COA1: variants seen among roughly 807,000 people sequenced by gnomAD.
COA1 encodes the protein cytochrome c oxidase assembly factor 1, also known as cytochrome c oxidase assembly factor 1 homolog.
In COA1, 13 loss-of-function variants were observed where a neutral mutation model predicts 16.0. The ratio of observed to expected loss-of-function variants is 0.81; its 90% CI spans 0.53 to 1.29. COA1 has a LOEUF of 1.29. Among genes scored for constraint, COA1 ranks in the 50% most tolerant of loss-of-function variants. The pLI, the probability that COA1 is intolerant of heterozygous loss-of-function variation, is 0.00. For synonymous variants in COA1, 65 were observed against 65.7 expected (o/e 0.99, Z 0.05); for missense variants, 179 against 177.0 (o/e 1.01, Z -0.06).
In COA1 at chr7:43,612,764, G is replaced by C. The variant is rs545806511; in HGVS notation, c.*134-3269C>G. Reference sequence around the variant, plus strand: ...CAATTTGCCAAAAGACTGATTCACTGAAGACTGTCAGCCAAATATCTTAAA... The same window carrying C: ...CAATTTGCCAAAAGACTGATTCACTCAAGACTGTCAGCCAAATATCTTAAA... On this transcript the variant is annotated intron_variant and NMD_transcript_variant, in intron 6 of 6. Transcript: ENST00000415076. Among the ~76,000 whole-genome samples, 295 of 151,802 alleles carry C rather than the reference G, an allele frequency of 1.9e-3. 2 individuals carry two copies. Among genetic ancestry groups the C allele is most frequent in the African/African-American group, 6.6e-3 (272 of 41,360 alleles).
intron 1 of COA1, among the ~76,000 whole-genome samples, chr7:43,684,792 C>T (rs2093941722): frequency 6.6e-6 from 1 of 152,130 alleles, no homozygotes; most frequent in Non-Finnish European, 1.5e-5. Flanking sequence ...CACTCTTGAC[C>T]AGATCTGACA....
At chr7:43,664,103 A>AGAGAGAGAGAGAGAGAGAGAGAGAGAG (rs2092695982) in intron 1 of COA1, among the ~76,000 whole-genome samples, 1 of 135,142 alleles carries the variant, frequency 7.4e-6, no homozygotes, top group African/African-American at 3.0e-5. Context: ...TGTCTTTAGA[A>AGAGAGAGAGAGAGAGAGAGAGAGAGAG]AGAGAGAGAG....
At chr7:43,624,680 C>T (rs766773359) in intron 6 of COA1, 4 of 1,613,982 alleles carry the variant, frequency 2.5e-6, no homozygotes, top group Non-Finnish European at 2.5e-6. Context: ...AATCAGAAAC[C>T]AAGGAATCCA....
In COA1 at chr7:43,625,429, C is replaced by G. The variant is rs972757424; in HGVS notation, c.*133+14020G>C. ...TTTCTGTTGTGTTTTTGCCTAAATA[C>G]TAGTAACATATCAGTGAAAAACCCT... On this transcript the variant is annotated intron_variant and NMD_transcript_variant, in intron 6 of 6. Coordinates refer to the COA1 transcript ENST00000415076. 2.0e-5 allele frequency: 3 copies of G among 152,156 alleles called. 1 individual carries two copies. The highest frequency in any genetic ancestry group is 7.2e-5 in the African/African-American group (3 of 41,430). The allele number at this position is 152,156 out of a possible 1,614,324, so 9.4% of individuals were successfully genotyped here. A position where few individuals can be genotyped will look rare whatever the true frequency, so the allele number is the denominator to read the frequency against.
At chr7:43,703,567 C>A (rs1281417389) in intron 1 of COA1, among the ~76,000 whole-genome samples, 3 of 152,150 alleles carry the variant, frequency 2.0e-5, no homozygotes, top group Non-Finnish European at 4.4e-5. Flanking sequence ...TGAATTGAAT[C>A]TTTTATCATC....
chr7:43,697,768 C>A (rs986276253), intron 1 of COA1, among the ~76,000 whole-genome samples: 62 of 152,138 alleles, frequency 4.1e-4, no homozygotes, highest in African/African-American at 1.4e-3. Flanking sequence ...AAAGTCCTTC[C>A]ATGGCACATT....
chr7:43,666,136 G>A (rs1004501249), intron 1 of COA1, among the ~76,000 whole-genome samples: 1 of 152,128 alleles, frequency 6.6e-6, no homozygotes, highest in Non-Finnish European at 1.5e-5. Context: ...AGCCACTTAA[G>A]ATGTTCAATC....
intron 6 of COA1, among the ~76,000 whole-genome samples, chr7:43,619,306 A>C (rs897606859): frequency 6.6e-6 from 1 of 152,204 alleles, no homozygotes; most frequent in African/African-American, 2.4e-5. Context: ...AGCGTGCTGC[A>C]TGCAAGGAGA....
At chr7:43,661,371 T>C (rs561892739) in intron 1 of COA1, among the ~76,000 whole-genome samples, 20 of 152,284 alleles carry the variant, frequency 1.3e-4, no homozygotes, top group African/African-American at 4.3e-4. Context: ...GTGCAGTGGC[T>C]CACGCCTGTA....
intron 1 of COA1, among the ~76,000 whole-genome samples, chr7:43,698,631 G>A (rs572323092): frequency 1.1e-3 from 169 of 152,282 alleles, no homozygotes; most frequent in Non-Finnish European, 1.4e-3. Flanking sequence ...CAACAGTGAC[G>A]CCAGCCAACT....
chr7:43,677,172 G>A (rs1362131003), intron 1 of COA1, among the ~76,000 whole-genome samples: 1 of 151,696 alleles, frequency 6.6e-6, no homozygotes, highest in Non-Finnish European at 1.5e-5. Flanking sequence ...AAAGTTCATG[G>A]AAATACTATA....
At chr7:43,623,617 T>G (rs144785063) in intron 6 of COA1, 1 of 1,611,288 alleles carries the variant, frequency 6.2e-7, no homozygotes, top group Non-Finnish European at 8.5e-7. Context: ...GCAACAGATA[T>G]GTGGTAAGAG....
chr7:43,642,948 A>T (rs1271922238), intron 4 of COA1, among the ~76,000 whole-genome samples: 1 of 152,216 alleles, frequency 6.6e-6, no homozygotes, highest in African/African-American at 2.4e-5. Context: ...GCTGATTATA[A>T]AGAAAGGACC....
intron 6 of COA1, among the ~76,000 whole-genome samples, chr7:43,621,281 A>G (rs1362255108): frequency 1.3e-5 from 2 of 152,228 alleles, no homozygotes; most frequent in South Asian, 2.1e-4. Flanking sequence ...AATATGCGTC[A>G]TGACCACTAA....
chr7:43,627,386 G>A (rs1255239273), intron 6 of COA1, among the ~76,000 whole-genome samples: 1 of 152,200 alleles, frequency 6.6e-6, no homozygotes, highest in Admixed American at 6.5e-5. Context: ...ATCACTTAGA[G>A]AATGTGAGAC....
intron 1 of COA1, among the ~76,000 whole-genome samples, chr7:43,673,001 T>C (rs938037288): frequency 6.6e-6 from 1 of 152,138 alleles, no homozygotes; most frequent in Non-Finnish European, 1.5e-5. Context: ...CCTTACACCA[T>C]ATACAAAAAT....
At chr7:43,671,818 G>A (rs2093283276) in intron 1 of COA1, among the ~76,000 whole-genome samples, 1 of 152,064 alleles carries the variant, frequency 6.6e-6, no homozygotes, top group Non-Finnish European at 1.5e-5. Flanking sequence ...AGATCTGGTG[G>A]TTTTATAAGC....
intron 1 of COA1, among the ~76,000 whole-genome samples, chr7:43,674,051 T>C (rs773379769): frequency 2.6e-5 from 4 of 152,160 alleles, no homozygotes; most frequent in Non-Finnish European, 5.9e-5. Flanking sequence ...TCAGGTTCTA[T>C]GCTTATTACG....
intron 1 of COA1, among the ~76,000 whole-genome samples, chr7:43,708,081 G>A (rs561985535): frequency 1.3e-5 from 2 of 152,322 alleles, no homozygotes; most frequent in East Asian, 3.9e-4. Context: ...GCATGCGCCT[G>A]TAATCCCAGC....
Sources: gnomAD v4.1 joint callset for allele counts (sites outside exome capture counted in the v4.1 genomes callset) on GRCh38, gnomAD v4.1.1 for gene constraint, MANE v1.5 for transcripts, NCBI Gene and HGNC (gene_info 2026-07-23, HGNC 2026-07-21) for gene names.